Variants in GALNT13 observed in about 807,000 individuals in gnomAD.
The protein encoded by GALNT13 is polypeptide N-acetylgalactosaminyltransferase 13.
A neutral mutation model predicts 64.2 loss-of-function variants in GALNT13; 28 were observed. That is an observed-to-expected ratio of 0.44 (90% confidence interval 0.32 to 0.60). The LOEUF is 0.60. Among genes scored for constraint, GALNT13 ranks in the 20% least tolerant of loss-of-function variants. The probability of loss-of-function intolerance (pLI) is 0.05; values close to 1 mark genes in which losing one functional copy is unlikely to be tolerated. For missense variants in GALNT13, 577 were observed against 669.8 expected (o/e 0.86, Z 1.53); for synonymous variants, 214 against 224.6 (o/e 0.95, Z 0.42).
the GALNT13 span, among the ~76,000 whole-genome samples, chr2:153,394,943 A>G: frequency 6.6e-6 from 1 of 152,228 alleles, no homozygotes; most frequent in Admixed American, 6.5e-5. Context: ...AGGCTGAAGT[A>G]GGGAAAGATC....
chr2:154,086,118 T>C (rs1297956145), intron 3 of GALNT13, among the ~76,000 whole-genome samples: 1 of 148,426 alleles, frequency 6.7e-6, no homozygotes, highest in East Asian at 2.0e-4. Context: ...ATATATATTA[T>C]GTGATTATAT....
the GALNT13 span, among the ~76,000 whole-genome samples, chr2:153,243,603 A>G: frequency 2.6e-5 from 4 of 152,352 alleles, no homozygotes; most frequent in East Asian, 7.7e-4. Flanking sequence ...TGTTTTTGCA[A>G]GTAGACTATA....
At chr2:153,443,949 C>G in the GALNT13 span, among the ~76,000 whole-genome samples, 1 of 151,968 alleles carries the variant, frequency 6.6e-6, no homozygotes, top group Non-Finnish European at 1.5e-5. Context: ...CTCATAAGGG[C>G]CTTCCCATTC....
the GALNT13 span, among the ~76,000 whole-genome samples, chr2:153,236,578 G>A: frequency 3.7e-4 from 57 of 152,074 alleles, no homozygotes; most frequent in Admixed American, 5.9e-4. Flanking sequence ...TATGAATGGA[G>A]CAACAAGGCC....
In GALNT13 at chr2:154,288,390, C is replaced by A. The variant is rs548372153; in HGVS notation, c.976-13019C>A. Reference sequence around the variant, plus strand: ...CTCTGGCCCCTCCCAAATGTGAGCCCCTCATGTCCTCACATTTCAAAACCA... The same window carrying A: ...CTCTGGCCCCTCCCAAATGTGAGCCACTCATGTCCTCACATTTCAAAACCA... On this transcript the variant is annotated intron_variant, in intron 8 of 12. Coordinates refer to ENST00000392825, the MANE Select transcript of GALNT13 (RefSeq NM_052917.4). Among the ~76,000 whole-genome samples the A allele has an allele frequency of 7.2e-5, 11 of 152,048 alleles. No individual in the cohort carries two copies. The East Asian group carries it at 2.1e-3, about 30-fold the overall frequency.
the GALNT13 span, among the ~76,000 whole-genome samples, chr2:153,576,664 T>G: frequency 6.6e-6 from 1 of 152,230 alleles, no homozygotes; most frequent in African/African-American, 2.4e-5. Flanking sequence ...ATACTTTTTC[T>G]CTATCTTTTC....
chr2:154,162,371 A>C (rs1438674167), intron 4 of GALNT13, among the ~76,000 whole-genome samples: 1 of 152,214 alleles, frequency 6.6e-6, no homozygotes, highest in Non-Finnish European at 1.5e-5. Flanking sequence ...GAGCCTATTC[A>C]CCTGTGAATG....
chr2:154,202,949 A>G (rs560176771), intron 4 of GALNT13, among the ~76,000 whole-genome samples: 2 of 152,260 alleles, frequency 1.3e-5, no homozygotes, highest in Admixed American at 1.3e-4. Flanking sequence ...TTAATATGTA[A>G]TTTCGGTGAA....
the GALNT13 span, among the ~76,000 whole-genome samples, chr2:153,373,620 CA>C: frequency 6.6e-6 from 1 of 152,176 alleles, no homozygotes; most frequent in Non-Finnish European, 1.5e-5. Flanking sequence ...TTTCAGTGTA[CA>C]GTTTAGTGGC....
chr2:153,691,272 A>AT, the GALNT13 span, among the ~76,000 whole-genome samples: 1 of 152,062 alleles, frequency 6.6e-6, no homozygotes, highest in South Asian at 2.1e-4. Context: ...TGACAAAAAT[A>AT]TTTTTTGCTG....
the GALNT13 span, among the ~76,000 whole-genome samples, chr2:153,490,271 A>G: frequency 6.6e-6 from 1 of 152,216 alleles, no homozygotes; most frequent in African/African-American, 2.4e-5. Context: ...AATGTTTTGG[A>G]TTATTCATAG....
At chr2:154,305,713 G>A (rs1693696011) in intron 9 of GALNT13, among the ~76,000 whole-genome samples, 1 of 152,072 alleles carries the variant, frequency 6.6e-6, no homozygotes, top group Non-Finnish European at 1.5e-5. Flanking sequence ...TACTGTATTG[G>A]TTGGCTTCAG....
intron 3 of GALNT13, among the ~76,000 whole-genome samples, chr2:154,058,385 G>A: frequency 6.6e-6 from 1 of 152,104 alleles, no homozygotes; most frequent in East Asian, 1.9e-4. Flanking sequence ...AATAATAAGT[G>A]TAATACATAA....
At chr2:153,201,973 C>CTTTTTTT in the GALNT13 span, among the ~76,000 whole-genome samples, 8 of 108,896 alleles carry the variant, frequency 7.3e-5, no homozygotes, top group Non-Finnish European at 1.3e-4. Context: ...CCACCCATTT[C>CTTTTTTT]TTTTTTTTTT....
At chr2:154,365,274 C>A (rs1697305473) in intron 9 of GALNT13, among the ~76,000 whole-genome samples, 1 of 152,158 alleles carries the variant, frequency 6.6e-6, no homozygotes, top group African/African-American at 2.4e-5. Context: ...CTAAGCAGGT[C>A]ACAATCAATT....
chr2:153,078,980 G>C, the GALNT13 span, among the ~76,000 whole-genome samples: 5 of 152,144 alleles, frequency 3.3e-5, no homozygotes, highest in Non-Finnish European at 7.3e-5. Flanking sequence ...TAGTTTTGCA[G>C]TGATGGCACA....
the GALNT13 span, among the ~76,000 whole-genome samples, chr2:153,469,438 C>T: frequency 2.9e-3 from 443 of 152,118 alleles, 17 homozygotes; most frequent in East Asian, 0.072. Flanking sequence ...AGTCTCAGAG[C>T]GGGAGATGAT....
At chr2:154,370,197 A>C (rs1359224070) in intron 9 of GALNT13, among the ~76,000 whole-genome samples, 5 of 152,006 alleles carry the variant, frequency 3.3e-5, no homozygotes, top group Non-Finnish European at 1.5e-5. Context: ...ACTGAGGGGG[A>C]TTTATATATA....
rs1234157381 is a variant in GALNT13, at chr2:153,924,489, G to A, written c.-104-19905G>A. Among the ~76,000 whole-genome samples the A allele has an allele frequency of 3.3e-5, 5 of 152,032 alleles. No homozygotes were observed. In the South Asian group the frequency reaches 6.2e-4, roughly 19 times the overall value. On this transcript the variant is annotated intron_variant, in intron 2 of 12. Coordinates refer to ENST00000392825, the MANE Select transcript of GALNT13 (RefSeq NM_052917.4). ...TAGACATTTAGATTGATTCCATGTC[G>A]TTGCTATTGTGAATAGTTCTGCAAT...
Sources: gnomAD v4.1 joint callset for allele counts (sites outside exome capture counted in the v4.1 genomes callset) on GRCh38, gnomAD v4.1.1 for gene constraint, MANE v1.5 for transcripts, NCBI Gene and HGNC (gene_info 2026-07-23, HGNC 2026-07-21) for gene names.